The following DIAPH2 variants were observed in gnomAD, a reference collection of about 807,000 sequenced individuals.
DIAPH2 encodes the protein diaphanous related formin 2.
DIAPH2 carries 35 observed loss-of-function variants against 92.7 expected under a neutral mutation model. The ratio of observed to expected loss-of-function variants is 0.38; its 90% CI spans 0.29 to 0.50. The LOEUF (loss-of-function observed/expected upper bound fraction) is 0.50, where lower values mean the gene tolerates loss of function less well. DIAPH2 is among the 20% of genes least tolerant of loss of function. DIAPH2 has a pLI of 0.94. For missense variants in DIAPH2, 701 were observed against 819.5 expected, an observed-to-expected ratio of 0.86 and a Z score of 1.77; for synonymous variants, 301 against 280.4, an observed-to-expected ratio of 1.07 and a Z score of -0.73.
At chrX:96,948,909 CTG>C in intron 14 of DIAPH2, 24 bp from the exon 15 acceptor site, 1 of 1,005,427 alleles carries the variant, frequency 9.9e-7, no homozygotes, top group South Asian at 2.4e-5. Flanking sequence ...ATATTATTAA[CTG>C]TACATTGATG....
intron 23 of DIAPH2, among the ~76,000 whole-genome samples, chrX:97,323,483 C>T (rs1214974791): frequency 9.7e-6 from 1 of 103,493 alleles, no homozygotes; most frequent in Non-Finnish European, 2.0e-5. Context: ...CCCAGCTACT[C>T]TGGAGGCTGA....
At chrX:97,286,042 T>C (rs1166042214) in intron 23 of DIAPH2, among the ~76,000 whole-genome samples, 1 of 86,095 alleles carries the variant, frequency 1.2e-5, no homozygotes, top group East Asian at 3.3e-4. Context: ...GCCCAGAAAC[T>C]TTTTTTTTTT....
At chrX:97,044,631 T>C (rs778579665) in intron 17 of DIAPH2, among the ~76,000 whole-genome samples, 2 of 111,155 alleles carry the variant, frequency 1.8e-5, no homozygotes, top group Non-Finnish European at 3.8e-5. Flanking sequence ...CTCAGTGATT[T>C]AGCTCCTTTC....
intron 16 of DIAPH2, among the ~76,000 whole-genome samples, chrX:96,963,182 G>A (rs1175522413): frequency 9.0e-6 from 1 of 111,230 alleles, no homozygotes; most frequent in Non-Finnish European, 1.9e-5. Context: ...CTCTTGGCCT[G>A]TAGCCTCTCC....
intron 23 of DIAPH2, among the ~76,000 whole-genome samples, chrX:97,314,279 G>A (rs745633799): frequency 9.2e-6 from 1 of 108,593 alleles, no homozygotes; most frequent in Non-Finnish European, 1.9e-5. Context: ...AGGTGTGGTG[G>A]CGCACACCTG....
chrX:97,603,505 C>G lies in DIAPH2; in HGVS notation c.*4188C>G. On this transcript the variant is annotated 3_prime_UTR_variant, in exon 27 of 27. Transcript: ENST00000324765. ...GAACTCCTAGCCTCAAGCAATCCAC[C>G]CATCTTGGCCTCCTAAAGTGCCGGA... is the stretch of plus-strand genomic sequence containing the variant. The G allele has an allele frequency of 9.0e-6, 1 of 111,565 alleles. No individual in the cohort carries two copies. Among genetic ancestry groups the G allele is most frequent in the East Asian group, 2.8e-4 (1 of 3,573 alleles). The allele number at this position is 111,565 out of a possible 1,213,427, so 9.2% of individuals were successfully genotyped here. A position where few individuals can be genotyped will look rare whatever the true frequency, so the allele number is the denominator to read the frequency against.
intron 4 of DIAPH2, among the ~76,000 whole-genome samples, chrX:96,774,183 A>T (rs1291005982): frequency 8.9e-6 from 1 of 111,918 alleles, no homozygotes; most frequent in Non-Finnish European, 1.9e-5. Flanking sequence ...TTACATAGTA[A>T]GTAAGTGGGA....
chrX:97,273,312 T>G (rs2068406573), intron 23 of DIAPH2, among the ~76,000 whole-genome samples: 1 of 111,379 alleles, frequency 9.0e-6, no homozygotes, highest in Admixed American at 9.6e-5. Flanking sequence ...ATGAATAAAT[T>G]TTTATATATT....
At chrX:97,040,897 T>C (rs2066444313) in intron 17 of DIAPH2, among the ~76,000 whole-genome samples, 1 of 110,887 alleles carries the variant, frequency 9.0e-6, no homozygotes, top group Non-Finnish European at 1.9e-5. Flanking sequence ...TCCTTCAGAA[T>C]TTCTCACATT....
Position 96,916,503 on chromosome X carries a change from C to T in DIAPH2, c.798C>T (p.Pro266=). ...TACTATTGGCAAGAGCAATTGACCC[C>T]AAACAACCCAACATGATGACTGAAA... is the stretch of plus-strand genomic sequence containing the variant. ...SLLLLARAID[P]KQPNMMTEIV... The change falls in exon 8 of 27, where the codon CCC becomes CCT. Residue 266 remains proline, a synonymous_variant. Transcript: ENST00000324765. 8.3e-7 allele frequency: 1 copy of T among 1,203,534 alleles called. No individual in the cohort carries two copies. Among genetic ancestry groups the T allele is most frequent in the Non-Finnish European group, 1.1e-6 (1 of 891,899 alleles).
intron 26 of DIAPH2, among the ~76,000 whole-genome samples, chrX:97,440,600 A>G (rs2070245850): frequency 9.2e-6 from 1 of 108,483 alleles, no homozygotes; most frequent in South Asian, 4.0e-4. Context: ...CTCACAAAAA[A>G]AAAAAAAAAA....
At chrX:97,492,200 A>T (rs912153980) in intron 26 of DIAPH2, among the ~76,000 whole-genome samples, 1 of 111,754 alleles carries the variant, frequency 8.9e-6, no homozygotes, top group African/African-American at 3.3e-5. Context: ...TCAGGAGGCC[A>T]AAGTGGGCAA....
chrX:96,747,203 C>T (rs772561828), intron 3 of DIAPH2, among the ~76,000 whole-genome samples: 1 of 111,282 alleles, frequency 9.0e-6, no homozygotes, highest in Non-Finnish European at 1.9e-5. Flanking sequence ...AAAAAGTAAA[C>T]CCATAGAAAT....
intron 26 of DIAPH2, among the ~76,000 whole-genome samples, chrX:97,566,194 C>G (rs1396671941): frequency 8.9e-6 from 1 of 112,001 alleles, no homozygotes; most frequent in Non-Finnish European, 1.9e-5. Flanking sequence ...GAATTAAGCA[C>G]TTGAATGTAA....
intron 4 of DIAPH2, among the ~76,000 whole-genome samples, chrX:96,791,482 G>T (rs1343867549): frequency 1.8e-5 from 2 of 108,631 alleles, no homozygotes; most frequent in Non-Finnish European, 3.8e-5. Context: ...AGGCTGCAGG[G>T]AGCTATGATC....
intron 22 of DIAPH2, among the ~76,000 whole-genome samples, chrX:97,235,932 A>G (rs1420723271): frequency 8.9e-6 from 1 of 111,869 alleles, no homozygotes; most frequent in Non-Finnish European, 1.9e-5. Context: ...TGTATTGCCA[A>G]TTTCTTATTT....
At chrX:97,228,446 G>A (rs1309717236) in intron 22 of DIAPH2, among the ~76,000 whole-genome samples, 2 of 111,401 alleles carry the variant, frequency 1.8e-5, no homozygotes, top group African/African-American at 6.5e-5. Context: ...GTCTGTTGAC[G>A]TATGGTAAGT....
chrX:96,894,621 G>T (rs903313244), intron 5 of DIAPH2, among the ~76,000 whole-genome samples: 1 of 111,525 alleles, frequency 9.0e-6, no homozygotes, highest in Non-Finnish European at 1.9e-5. Context: ...CAAGCTGGGG[G>T]TATTCTCTGA....
chrX:97,524,250 T>C (rs970443301), intron 26 of DIAPH2, among the ~76,000 whole-genome samples: 17 of 112,153 alleles, frequency 1.5e-4, no homozygotes, highest in African/African-American at 5.2e-4. Context: ...AGTTGCTCAA[T>C]ATTTGTTGTA....
Sources: gnomAD v4.1 joint callset for allele counts (sites outside exome capture counted in the v4.1 genomes callset) on GRCh38, gnomAD v4.1.1 for gene constraint, MANE v1.5 for transcripts, NCBI Gene and HGNC (gene_info 2026-07-23, HGNC 2026-07-21) for gene names.